GRAMD1B: variants seen among roughly 807,000 people sequenced by gnomAD.
GRAMD1B encodes GRAM domain containing 1B.
Under a neutral mutation model 99.7 loss-of-function variants are expected in GRAMD1B, and 37 were observed. The ratio of observed to expected loss-of-function variants is 0.37; its 90% CI spans 0.29 to 0.49. The LOEUF is 0.49. Ranked by LOEUF, GRAMD1B falls within the 20% of genes least tolerant of loss-of-function variation. GRAMD1B has a pLI of 0.98. For missense variants in GRAMD1B, 888 were observed against 1,009.2 expected, an observed-to-expected ratio of 0.88 and a Z score of 1.63; for synonymous variants, 427 against 387.6, an observed-to-expected ratio of 1.10 and a Z score of -1.19.
intron 19 of GRAMD1B, chr11:123,619,547 A>AC: frequency 8.4e-7 from 1 of 1,183,508 alleles, no homozygotes. Flanking sequence ...TAAACAGAGA[A>AC]CCCCCTCAGC....
chr11:123,386,271 G>T (rs1461154981), intron 1 of GRAMD1B, among the ~76,000 whole-genome samples: 1 of 151,990 alleles, frequency 6.6e-6, no homozygotes, highest in East Asian at 1.9e-4. Flanking sequence ...AAGATTTAGG[G>T]GCTGATTTGT....
At chr11:123,516,905 T>C (rs1394226269) in intron 2 of GRAMD1B, among the ~76,000 whole-genome samples, 1 of 152,200 alleles carries the variant, frequency 6.6e-6, no homozygotes, top group African/African-American at 2.4e-5. Flanking sequence ...GTCATGAACA[T>C]ATTAGACGCT....
intron 8 of GRAMD1B, 50 bp downstream of exon 8, chr11:123,600,598 A>ATAGCC: frequency 8.4e-7 from 1 of 1,192,292 alleles, no homozygotes; most frequent in Non-Finnish European, 1.2e-6. Context: ...ATCTCTAGAG[A>ATAGCC]AGCCTTTGTC....
At chr11:123,572,452 T>G (rs1339132108) in intron 2 of GRAMD1B, among the ~76,000 whole-genome samples, 2 of 152,244 alleles carry the variant, frequency 1.3e-5, no homozygotes, top group Non-Finnish European at 2.9e-5. Context: ...TGGTTTTGTT[T>G]GCTCAGCAGG....
At chr11:123,531,517 T>C (rs779778388) in intron 2 of GRAMD1B, among the ~76,000 whole-genome samples, 9 of 152,218 alleles carry the variant, frequency 5.9e-5, no homozygotes, top group Non-Finnish European at 8.8e-5. Context: ...CTAAGGTTCA[T>C]TGCTGCTGCT....
At chr11:123,451,436 T>C (rs544114248) in intron 1 of GRAMD1B, among the ~76,000 whole-genome samples, 4 of 152,318 alleles carry the variant, frequency 2.6e-5, no homozygotes, top group African/African-American at 9.6e-5. Context: ...TTGTGTCATG[T>C]CACTTTTAAT....
chr11:123,443,398 A>C (rs1300645784), intron 1 of GRAMD1B, among the ~76,000 whole-genome samples: 2 of 152,212 alleles, frequency 1.3e-5, no homozygotes, highest in Non-Finnish European at 2.9e-5. Context: ...GGTTCTGAGA[A>C]CATGTGTGCA....
chr11:123,395,540 A>T (rs1312087629), intron 1 of GRAMD1B, among the ~76,000 whole-genome samples: 1 of 152,198 alleles, frequency 6.6e-6, no homozygotes, highest in Non-Finnish European at 1.5e-5. Flanking sequence ...AAAAGGACAA[A>T]GAAAATATCA....
chr11:123,454,726 G>C (rs1376664208), intron 1 of GRAMD1B: 2 of 152,190 alleles, frequency 1.3e-5, no homozygotes, highest in Non-Finnish European at 2.9e-5. Flanking sequence ...TGAAATGAGT[G>C]ACAGTGGGTT....
At position 123,481,072 on chromosome 11, in the gene GRAMD1B, G is replaced by A. The variant is rs565261829; in HGVS notation, c.452+179G>A. On this transcript the variant is annotated intron_variant, in intron 2 of 19. Coordinates refer to ENST00000635736, the MANE Select transcript of GRAMD1B (RefSeq NM_001387025.1). The stretch of plus-strand genomic sequence containing the variant: ...AAGACAAAACTTTCACCCCATAAAG[G>A]AGAAGGAGCAACACAAAGGGGCTGG... 2.0e-5 allele frequency among the ~76,000 whole-genome samples: 3 copies of A among 152,252 alleles called. No homozygotes were observed. In the South Asian group the frequency reaches 6.2e-4, roughly 32 times the overall value.
intron 1 of GRAMD1B, among the ~76,000 whole-genome samples, chr11:123,448,006 C>A (rs1323364701): frequency 6.6e-6 from 1 of 151,484 alleles, no homozygotes; most frequent in African/African-American, 2.4e-5. Flanking sequence ...GATTCCGACT[C>A]CAGGTTTCTT....
chr11:123,589,407 T>C (rs186067039), intron 4 of GRAMD1B, among the ~76,000 whole-genome samples: 17 of 151,868 alleles, frequency 1.1e-4, no homozygotes, highest in Admixed American at 1.1e-3. Flanking sequence ...TCTCCAACAC[T>C]GTTTACCTGG....
intron 2 of GRAMD1B, among the ~76,000 whole-genome samples, chr11:123,542,026 C>G (rs1019543784): frequency 6.6e-5 from 10 of 152,186 alleles, no homozygotes; most frequent in Non-Finnish European, 1.2e-4. Context: ...GACTGTCGAC[C>G]ACTTCCCATC....
intron 1 of GRAMD1B, among the ~76,000 whole-genome samples, chr11:123,465,045 G>T (rs958714076): frequency 6.6e-6 from 1 of 152,138 alleles, no homozygotes; most frequent in African/African-American, 2.4e-5. Context: ...ATGGGGGACC[G>T]GAGCTTGGTG....
rs551618491 is a variant in GRAMD1B at position 123,458,709 on chromosome 11, C to T, written c.375-22107C>T. 5.4e-5 allele frequency: 8 copies of T among 148,148 alleles called. No homozygotes were observed. The South Asian group carries it at 1.5e-3, about 27-fold the overall frequency. The allele number at this position is 148,148 out of a possible 1,614,324, so 9.2% of individuals were successfully genotyped here. A position where few individuals can be genotyped will look rare whatever the true frequency, so the allele number is the denominator to read the frequency against. ...CTGTTTTGTTTTTTTTTTTTTTTCCCCTCCTCTTCATACTCCCCAATGTGA... is the reference window on the plus strand; with the variant it reads ...CTGTTTTGTTTTTTTTTTTTTTTCCTCTCCTCTTCATACTCCCCAATGTGA... On this transcript the variant is annotated intron_variant, in intron 1 of 19. Coordinates refer to ENST00000635736, the MANE Select transcript of GRAMD1B (RefSeq NM_001387025.1).
At chr11:123,449,731 T>TTTTTTTTTTTTG (rs1360753936) in intron 1 of GRAMD1B, among the ~76,000 whole-genome samples, 1 of 149,340 alleles carries the variant, frequency 6.7e-6, no homozygotes, top group Admixed American at 6.7e-5. Flanking sequence ...TTTTTTTTTT[T>TTTTTTTTTTTTG]GAGACAGGGT....
chr11:123,448,240 C>T (rs188389459), intron 1 of GRAMD1B, among the ~76,000 whole-genome samples: 30 of 151,568 alleles, frequency 2.0e-4, no homozygotes, highest in African/African-American at 6.3e-4. Flanking sequence ...TTCTCACCCT[C>T]CCCCTTGTAC....
chr11:123,495,043 T>C (rs1939072504), intron 2 of GRAMD1B, among the ~76,000 whole-genome samples: 1 of 151,892 alleles, frequency 6.6e-6, no homozygotes, highest in South Asian at 2.1e-4. Context: ...GTACCAGAAG[T>C]TGATGCTCCG....
intron 2 of GRAMD1B, among the ~76,000 whole-genome samples, chr11:123,496,004 TAC>T (rs1214279930): frequency 6.6e-6 from 1 of 152,208 alleles, no homozygotes; most frequent in Non-Finnish European, 1.5e-5. Context: ...ACAACACAAT[TAC>T]AGTGATATAA....
Sources: gnomAD v4.1 joint callset for allele counts (sites outside exome capture counted in the v4.1 genomes callset) on GRCh38, gnomAD v4.1.1 for gene constraint, MANE v1.5 for transcripts, NCBI Gene and HGNC (gene_info 2026-07-23, HGNC 2026-07-21) for gene names.